MTF1: variants seen among roughly 807,000 people sequenced by gnomAD.
MTF1 encodes metal regulatory transcription factor 1.
Under a neutral mutation model 70.4 loss-of-function variants are expected in MTF1, and 22 were observed. That is an observed-to-expected ratio of 0.31 (90% CI 0.22 to 0.45). The LOEUF is 0.45. MTF1 is among the 20% of genes least tolerant of loss of function. The pLI is 1.00. For synonymous variants in MTF1, 333 were observed against 352.8 expected (o/e 0.94, Z 0.63); for missense variants, 649 against 922.0 (o/e 0.70, Z 3.83).
rs1311633403 is a variant in MTF1, at chr1:37,822,607, G to A, written c.1281C>T (p.Leu427=). 1 of 1,613,880 alleles carries A rather than the reference G, an allele frequency of 6.2e-7. No individual in the cohort carries two copies. Among genetic ancestry groups the A allele is most frequent in the Non-Finnish European group, 8.5e-7 (1 of 1,180,042 alleles). Residue 427 remains leucine (L), a synonymous_variant, in exon 9 of 11, where the codon CTC becomes CTT. Coordinates refer to ENST00000373036, the MANE Select transcript of MTF1 (RefSeq NM_005955.3). ...GTAGTAGAGGCTGGGGTGGCTCGGA[G>A]AGGCCAGGTTGCAGTACAAGTGGAA... The part of the protein sequence containing the change: ...LSLPLVLQPG[L]SEPPQPLLPA...
At chr1:37,853,908 G>A (rs1641453029) in intron 2 of MTF1, among the ~76,000 whole-genome samples, 1 of 152,162 alleles carries the variant, frequency 6.6e-6, no homozygotes, top group Non-Finnish European at 1.5e-5. Context: ...GAGCATAACA[G>A]CATTTTGCTT....
At chr1:37,841,096 G>A (rs1641248103) in intron 2 of MTF1, 3 of 171,110 alleles carry the variant, frequency 1.8e-5, no homozygotes, top group Non-Finnish European at 3.8e-5. Context: ...TTGACTTTTT[G>A]CTGGGGTCAC....
chr1:37,845,842 G>A (rs1166809180), intron 2 of MTF1, among the ~76,000 whole-genome samples: 3 of 152,132 alleles, frequency 2.0e-5, no homozygotes, highest in South Asian at 4.1e-4. Flanking sequence ...GGAGACAGTT[G>A]ACTGTCAAAG....
chr1:37,859,409 G>T (rs1378525357), intron 1 of MTF1, 122 bp downstream of exon 1: 3 of 397,980 alleles, frequency 7.5e-6, no homozygotes, highest in Non-Finnish European at 1.3e-5. Flanking sequence ...AAACGGAGAA[G>T]GGGTGGGGTC....
intron 1 of MTF1, among the ~76,000 whole-genome samples, chr1:37,858,233 C>T (rs1569895801): frequency 6.6e-6 from 1 of 152,116 alleles, no homozygotes; most frequent in African/African-American, 2.4e-5. Context: ...AATCAGACCA[C>T]GAGGCAGTAA....
chr1:37,823,385 T>G (rs1640948683), intron 8 of MTF1, among the ~76,000 whole-genome samples: 1 of 151,320 alleles, frequency 6.6e-6, no homozygotes, highest in Admixed American at 6.6e-5. Context: ...GAGGTTGCGG[T>G]GAGCTGAGAT....
At position 37,822,375 on chromosome 1, in the gene MTF1, C is replaced by A; in HGVS notation, c.1513G>T (p.Ala505Ser). ...GCCACTGCCGCTGCTGATGCAGAAG[C>A]CCCAGCAACAACAGAAAGTCCTGGT... The part of the protein sequence containing the change: ...IVPGLSVVAG[A>S]SASAAAVASA... The change falls in exon 9 of 11, where the codon GCT (alanine) becomes TCT (serine). Residue 505 changes from alanine (A) to serine (S), a missense_variant. Physicochemically the swap from Ala to Ser is moderately conservative, Grantham distance 99 (BLOSUM62 1). Transcript: ENST00000373036. The A allele has an allele frequency of 1.2e-6, 2 of 1,613,730 alleles. No individual in the cohort carries two copies. The highest frequency in any genetic ancestry group is 1.7e-6 in the Non-Finnish European group (2 of 1,179,746).
intron 7 of MTF1, among the ~76,000 whole-genome samples, chr1:37,829,740 G>A (rs928408121): frequency 7.9e-5 from 12 of 151,186 alleles, no homozygotes; most frequent in Admixed American, 2.6e-4. Flanking sequence ...AGGCGAGATC[G>A]CGCTACTGCA....
In MTF1 at chr1:37,838,583, C is replaced by G. The variant is rs3790625; in HGVS notation, c.779+42G>C. The G allele has an allele frequency of 0.015, 22,821 of 1,570,402 alleles. 1,129 individuals are homozygous for G. In the East Asian group the frequency reaches 0.19, roughly 13 times the overall value. On this transcript the variant is annotated intron_variant, in intron 4 of 10. Transcript: ENST00000373036. ...TTCCAGAGTATATCAAGACCCCCAG[C>G]TGAAACCTGGTCAGTGACAAATAGA...
chr1:37,837,968 G>A (rs1641196541), intron 4 of MTF1, among the ~76,000 whole-genome samples: 4 of 152,122 alleles, frequency 2.6e-5, no homozygotes, highest in Admixed American at 6.6e-5. Flanking sequence ...TATACTATGA[G>A]CAGAGAAGAA....
At chr1:37,832,390 A>C (rs887621953) in intron 6 of MTF1, 68 bp from the exon 7 acceptor site, 2 of 997,826 alleles carry the variant, frequency 2.0e-6, no homozygotes. Flanking sequence ...TCATGTAACA[A>C]AACATTTGAT....
intron 2 of MTF1, among the ~76,000 whole-genome samples, chr1:37,842,052 G>GA (rs200823073): frequency 5.3e-5 from 8 of 151,212 alleles, no homozygotes; most frequent in Non-Finnish European, 1.0e-4. Context: ...AAAAAAGGGG[G>GA]AAAAAAAACT....
rs543606656 is a variant in MTF1, at chr1:37,825,314, G to A, written c.1069-1502C>T. Among the ~76,000 whole-genome samples, 70 of 152,100 alleles carry A rather than the reference G, an allele frequency of 4.6e-4. 1 individual carries two copies. Among genetic ancestry groups the A allele is most frequent in the Admixed American group, 9.2e-4 (14 of 15,268 alleles). On this transcript the variant is annotated intron_variant, in intron 7 of 10. Transcript: ENST00000373036. ...TGCAGTGGTATGATCATAGCTCCCC[G>A]CAGCCTTCAACTCCCGGGCTCAAGT...
chr1:37,856,421 C>T (rs962306675), intron 2 of MTF1, among the ~76,000 whole-genome samples: 10 of 151,194 alleles, frequency 6.6e-5, no homozygotes, highest in South Asian at 2.1e-4. Context: ...CCACCTGCCT[C>T]GGCCTCCCAA....
In MTF1 at chr1:37,840,989, C is replaced by A; in HGVS notation, c.409-831G>T. Reference sequence around the variant, plus strand: ...CAAGGCTGAGAACAAGGAGTGGATGCCCATCACCAAGCTGGGCTGCCTGGT... The same window carrying A: ...CAAGGCTGAGAACAAGGAGTGGATGACCATCACCAAGCTGGGCTGCCTGGT... On this transcript the variant is annotated intron_variant, in intron 2 of 10. Transcript: ENST00000373036. The surrounding 1 kb of genome is among the most constrained non-coding windows in gnomAD (Gnocchi z 4.5). The A allele has an allele frequency of 4.6e-6, 1 of 216,282 alleles. No individual in the cohort carries two copies. Among genetic ancestry groups the A allele is most frequent in the Non-Finnish European group, 9.2e-6 (1 of 108,284 alleles). The allele number at this position is 216,282 out of a possible 1,614,324, so 13.4% of individuals were successfully genotyped here.
chr1:37,848,670 G>T (rs1176867003), intron 2 of MTF1, among the ~76,000 whole-genome samples: 2 of 152,150 alleles, frequency 1.3e-5, no homozygotes, highest in Admixed American at 1.3e-4. Context: ...CTGAGTGATG[G>T]AAATGCTGAT....
chr1:37,834,630 C>G, intron 6 of MTF1: 2 of 456,664 alleles, frequency 4.4e-6, no homozygotes, highest in South Asian at 1.5e-5. Flanking sequence ...AAGAAGCTCA[C>G]TTAACAGGTT....
chr1:37,817,428 T>C lies in MTF1; in HGVS notation c.1822A>G (p.Ser608Gly), dbSNP rs1640837258. ...ACATGGAATTACATACCTGGGCTACTGGCTACTGGTACTGCAGTGGTAAAA... is the reference window on the plus strand; with the variant it reads ...ACATGGAATTACATACCTGGGCTACCGGCTACTGGTACTGCAGTGGTAAAA... The part of the protein sequence containing the change: ...VFFTTAVPVA[S>G]SPGSSVQQIG... The change falls in exon 10 of 11, where the codon AGT becomes GGT. Residue 608 changes from serine to glycine, a missense_variant. This residue lies in a region of MTF1 where 39 missense variants were observed against 97.8 expected (regional missense o/e 0.40). Coordinates refer to ENST00000373036, the MANE Select transcript of MTF1 (RefSeq NM_005955.3). 4 of 1,608,584 alleles carry C rather than the reference T, an allele frequency of 2.5e-6. No individual in the cohort carries two copies. Among genetic ancestry groups the C allele is most frequent in the Non-Finnish European group, 3.4e-6 (4 of 1,174,896 alleles).
At chr1:37,831,169 A>G (rs1256363256) in intron 7 of MTF1, among the ~76,000 whole-genome samples, 1 of 151,808 alleles carries the variant, frequency 6.6e-6, no homozygotes, top group Non-Finnish European at 1.5e-5. Flanking sequence ...GTTGTTTTTT[A>G]TATTTTGTCT....
Sources: gnomAD v4.1 joint callset for allele counts (sites outside exome capture counted in the v4.1 genomes callset) on GRCh38, gnomAD v4.1.1 for gene constraint, gnomAD v4.1.1 regional missense constraint, Gnocchi (gnomAD v3.1) non-coding constraint, MANE v1.5 for transcripts, NCBI Gene and HGNC (gene_info 2026-07-23, HGNC 2026-07-21) for gene names.